Variants in COL4A6 observed in about 807,000 individuals in gnomAD.
COL4A6 encodes collagen alpha-6(IV) chain.
Under a neutral mutation model 126.7 loss-of-function variants are expected in COL4A6, and 59 were observed. The observed-to-expected ratio is 0.47, with a 90% confidence interval of 0.38 to 0.58. The LOEUF (loss-of-function observed/expected upper bound fraction) is 0.58, where lower values mean the gene tolerates loss of function less well. Ranked by LOEUF, COL4A6 falls within the 20% of genes least tolerant of loss-of-function variation. The pLI, the probability that COL4A6 is intolerant of heterozygous loss-of-function variation, is 0.00. For synonymous variants in COL4A6, 547 were observed against 496.6 expected (o/e 1.10, Z -1.35); for missense variants, 1,285 against 1,337.3 (o/e 0.96, Z 0.61).
chrX:108,178,924 A>T (rs1047227552), intron 26 of COL4A6, 79 bp from the exon 27 acceptor site: 8 of 1,038,063 alleles, frequency 7.7e-6, no homozygotes, highest in Non-Finnish European at 9.1e-6. Context: ...TCCAGGACTT[A>T]TCCCAGGTGC....
chrX:108,291,745 A>C (rs2038167426), intron 3 of COL4A6, among the ~76,000 whole-genome samples: 1 of 112,137 alleles, frequency 8.9e-6, no homozygotes, highest in Non-Finnish European at 1.9e-5. Context: ...GCCAGTATTA[A>C]TTTTAGAGAC....
intron 2 of COL4A6, among the ~76,000 whole-genome samples, chrX:108,319,646 T>A (rs1230768483): frequency 8.9e-6 from 1 of 112,174 alleles, no homozygotes; most frequent in African/African-American, 3.2e-5. Flanking sequence ...TGTGGTGATC[T>A]GTACCAGATA....
In COL4A6 at chrX:108,165,008, G is replaced by A. The variant is rs767347024; in HGVS notation, c.3839C>T (p.Pro1280Leu). The A allele has an allele frequency of 1.7e-6, 2 of 1,208,938 alleles. No homozygotes were observed. The highest frequency in any genetic ancestry group is 3.5e-5 in the South Asian group (2 of 56,819). Reference sequence around the variant, plus strand: ...GCCTTGATTCGAGGATGGCCCAGGGGGACCTGGGGGTCCAGCGGGGCCTGG... The same window carrying A: ...GCCTTGATTCGAGGATGGCCCAGGGAGACCTGGGGGTCCAGCGGGGCCTGG... ...GRPGPAGPPG[P>L]PGPSSNQGDT... is the part of the protein sequence containing the mutation. Residue 1280 changes from proline (P) to leucine (L), a missense_variant, in exon 39 of 45, where the codon CCC becomes CTC. Coordinates refer to ENST00000334504, the MANE Select transcript of COL4A6 (RefSeq NM_033641.4).
At chrX:108,376,577 C>T (rs1289526997) in intron 2 of COL4A6, among the ~76,000 whole-genome samples, 1 of 111,641 alleles carries the variant, frequency 9.0e-6, no homozygotes, top group East Asian at 2.8e-4. Context: ...GCACTCCAGC[C>T]TGGGCAACAG....
At chrX:108,191,338 T>C in intron 19 of COL4A6, 55 bp downstream of exon 19, 2 of 1,170,974 alleles carry the variant, frequency 1.7e-6, no homozygotes, top group Non-Finnish European at 2.3e-6. Flanking sequence ...ATGACTGTTC[T>C]GCAGTCTGGA....
At chrX:108,347,030 A>T (rs2039724350) in intron 2 of COL4A6, among the ~76,000 whole-genome samples, 1 of 112,232 alleles carries the variant, frequency 8.9e-6, no homozygotes, top group African/African-American at 3.2e-5. Context: ...ATACTTTACA[A>T]ATTTTTATTT....
intron 2 of COL4A6, among the ~76,000 whole-genome samples, chrX:108,347,177 G>C (rs191699177): frequency 7.2e-5 from 8 of 111,795 alleles, no homozygotes; most frequent in African/African-American, 1.3e-4. Context: ...ATGCCATCCC[G>C]TCGCAGGGAG....
chrX:108,215,023 G>C (rs1199653465), intron 5 of COL4A6, among the ~76,000 whole-genome samples: 1 of 111,635 alleles, frequency 9.0e-6, no homozygotes, highest in South Asian at 3.8e-4. Flanking sequence ...ATGGAGCAAA[G>C]AGATGACCAG....
chrX:108,177,108 T>G lies in COL4A6; in HGVS notation c.2516-97A>C, dbSNP rs1038964723. ...TATCATAGCTTCTGATTGGTTTGGC[T>G]TGTTAGGTTTTGTAAATGGCCCTTT... On this transcript the variant is annotated intron_variant, in intron 27 of 44. Transcript: ENST00000334504. 1.7e-5 allele frequency: 14 copies of G among 808,069 alleles called. No homozygotes were observed. The Admixed American group carries it at 3.2e-4, about 18-fold the overall frequency. The allele number at this position is 808,069 out of a possible 1,213,427, so 66.6% of individuals were successfully genotyped here. A position where few individuals can be genotyped will look rare whatever the true frequency, so the allele number is the denominator to read the frequency against.
At chrX:108,256,597 A>C (rs182457616) in intron 3 of COL4A6, among the ~76,000 whole-genome samples, 19 of 111,525 alleles carry the variant, frequency 1.7e-4, no homozygotes, top group Non-Finnish European at 3.6e-4. Flanking sequence ...TCTAGAGGAC[A>C]CACTCTTTAA....
intron 2 of COL4A6, among the ~76,000 whole-genome samples, chrX:108,335,412 A>C (rs2039406920): frequency 8.9e-6 from 1 of 112,055 alleles, no homozygotes; most frequent in Non-Finnish European, 1.9e-5. Context: ...ATAAACACTG[A>C]ATTTTCATTC....
chrX:108,438,508 G>A, upstream of COL4A6: 1 of 959,572 alleles, frequency 1.0e-6, no homozygotes. Context: ...TTGGGCAGCC[G>A]GTAGTCTTTC....
At chrX:108,335,959 GCTGA>G (rs1416902046) in intron 2 of COL4A6, among the ~76,000 whole-genome samples, 2 of 111,368 alleles carry the variant, frequency 1.8e-5, no homozygotes, top group African/African-American at 6.5e-5. Flanking sequence ...GAAAACTGAG[GCTGA>G]CAGGTTATAT....
At chrX:108,204,985 G>GGA (rs1419657282) in intron 11 of COL4A6, among the ~76,000 whole-genome samples, 2 of 107,903 alleles carry the variant, frequency 1.9e-5, no homozygotes, top group East Asian at 2.9e-4. Context: ...GAGAGATAGA[G>GGA]GAGAGAGAGA....
At chrX:108,301,804 C>A (rs1603046538) in intron 3 of COL4A6, among the ~76,000 whole-genome samples, 1 of 111,637 alleles carries the variant, frequency 9.0e-6, no homozygotes, top group East Asian at 2.8e-4. Flanking sequence ...CTGGATCCAA[C>A]CTTCCAGCCT....
At chrX:108,263,885 T>C (rs886264618) in intron 3 of COL4A6, among the ~76,000 whole-genome samples, 3 of 111,734 alleles carry the variant, frequency 2.7e-5, no homozygotes, top group Admixed American at 9.5e-5. Context: ...CGTGTTTTCA[T>C]GTCCATGGCA....
intron 2 of COL4A6, among the ~76,000 whole-genome samples, chrX:108,387,647 C>T (rs189843212): frequency 1.8e-5 from 2 of 111,882 alleles, no homozygotes; most frequent in Admixed American, 1.9e-4. Flanking sequence ...AATATACAAT[C>T]ATGTCATCTA....
chrX:108,381,680 C>T (rs1454830427), intron 2 of COL4A6, among the ~76,000 whole-genome samples: 1 of 111,047 alleles, frequency 9.0e-6, no homozygotes, highest in Admixed American at 9.6e-5. Context: ...TAGAATAGTA[C>T]CTAGCACATA....
chrX:108,403,233 G>GCTCTCTCTCTCTCT (rs59212608), intron 2 of COL4A6, among the ~76,000 whole-genome samples: 2 of 62,351 alleles, frequency 3.2e-5, no homozygotes, highest in South Asian at 1.2e-3. Context: ...GCAAAGATTA[G>GCTCTCTCTCTCTCT]CTCTCTCTCT....
Sources: allele counts gnomAD v4.1 joint callset (sites outside exome capture counted in the v4.1 genomes callset), GRCh38; gene constraint gnomAD v4.1.1; transcripts MANE v1.5; gene names NCBI Gene and HGNC (gene_info 2026-07-23, HGNC 2026-07-21).